ADCY6: variants seen among roughly 807,000 people sequenced by gnomAD.
ADCY6 encodes the protein adenylate cyclase type 6.
Under a neutral mutation model 111.6 loss-of-function variants are expected in ADCY6, and 59 were observed. That is an observed-to-expected ratio of 0.53 (90% CI 0.43 to 0.66). The LOEUF (loss-of-function observed/expected upper bound fraction) is 0.66. ADCY6 is among the 30% of genes least tolerant of loss of function. The probability of loss-of-function intolerance (pLI) is 0.00; values close to 1 mark genes in which losing one functional copy is unlikely to be tolerated. For missense variants in ADCY6, 1,242 were observed against 1,595.6 expected (o/e 0.78, Z 3.78); for synonymous variants, 576 against 642.9 (o/e 0.90, Z 1.57).
In ADCY6 at chr12:48,783,348, C is replaced by G; in HGVS notation, c.87G>C (p.Arg29=). 1 of 1,614,156 alleles carries G rather than the reference C, an allele frequency of 6.2e-7. No individual in the cohort carries two copies. Residue 29 remains arginine, a synonymous_variant, in exon 2 of 22, where the codon CGG becomes CGC. Coordinates refer to ENST00000357869, the MANE Select transcript of ADCY6 (RefSeq NM_015270.5). ...AGCCACCTGCCCGAGTGCCACGGCG[C>G]CGCGAACGCTTCTGCCCATTGCGTT... ...WGERNGQKRS[R]RRGTRAGGFC...
rs1941689786 is a variant in ADCY6, at chr12:48,776,014, A to G, written c.1755T>C (p.Val585=). 1 of 1,612,646 alleles carries G rather than the reference A, an allele frequency of 6.2e-7. No homozygotes were observed. Among genetic ancestry groups the G allele is most frequent in the Non-Finnish European group, 8.5e-7 (1 of 1,179,352 alleles). ...NSMEGLMPRW[V]PDRAFSRTKD... ...TGGTCCGGGAGAAGGCACGATCAGG[A>G]ACCCAGCGCGGCATCAGCCCTTCCA... Residue 585 remains valine (V), a synonymous_variant, in exon 9 of 22, where the codon GTT becomes GTC. Transcript: ENST00000357869. This position sits in a 1 kb window ranked among gnomAD's most constrained non-coding sequence, Gnocchi z 6.1.
intron 1 of ADCY6, among the ~76,000 whole-genome samples, chr12:48,784,765 C>T (rs572189057): frequency 2.6e-5 from 4 of 151,102 alleles, no homozygotes; most frequent in Middle Eastern, 3.4e-3. Context: ...CTCCGCCTCC[C>T]GGGTTCACAC....
At chr12:48,768,774 G>A in intron 21 of ADCY6, 58 bp from the exon 22 acceptor site, 1 of 1,594,034 alleles carries the variant, frequency 6.3e-7, no homozygotes, top group Non-Finnish European at 8.6e-7. Context: ...GCATTTGCAG[G>A]GGCCCAGGGG....
chr12:48,771,162 G>A lies in ADCY6; in HGVS notation c.3052-192C>T. 4.9e-6 allele frequency: 3 copies of A among 608,010 alleles called. No homozygotes were observed. The highest frequency in any genetic ancestry group is 8.7e-6 in the Non-Finnish European group (3 of 346,708). 37.7% of individuals were successfully genotyped at this position (608,010 alleles called of 1,614,324 possible). ...CAGCCTAGGACTCCAGGCAGGACTT[G>A]GGCATACAGCTTCAGAAGGTCCCTC... On this transcript the variant is annotated intron_variant, in intron 19 of 21. Coordinates refer to ENST00000357869, the MANE Select transcript of ADCY6 (RefSeq NM_015270.5). The surrounding 1 kb of genome is among the most constrained non-coding windows in gnomAD (Gnocchi z 4.3).
chr12:48,775,461 G>A lies in ADCY6; in HGVS notation c.1833-11C>T. The A allele has an allele frequency of 6.2e-7, 1 of 1,613,986 alleles. No homozygotes were observed. Among genetic ancestry groups the A allele is most frequent in the Non-Finnish European group, 8.5e-7 (1 of 1,179,954 alleles). ...TCTTGGGTGCCCCGGCTGAGGGCAG[G>A]AGACATGGTTTCACCAGTTGCATGG... On this transcript the variant is annotated splice_polypyrimidine_tract_variant and intron_variant, in intron 10 of 21. Coordinates refer to ENST00000357869, the MANE Select transcript of ADCY6 (RefSeq NM_015270.5).
chr12:48,782,549 C>A lies in ADCY6; in HGVS notation c.864+22G>T. The A allele has an allele frequency of 1.9e-6, 3 of 1,594,566 alleles. No homozygotes were observed. The highest frequency in any genetic ancestry group is 2.6e-6 in the Non-Finnish European group (3 of 1,170,262). ...AAATTCCCCACCTGCTGCCCTCCAT[C>A]CCTACCTCCCTGGCCACCTACCTGC... On this transcript the variant is annotated intron_variant, in intron 2 of 21. Coordinates refer to ENST00000357869, the MANE Select transcript of ADCY6 (RefSeq NM_015270.5). This position sits in a 1 kb window ranked among gnomAD's most constrained non-coding sequence, Gnocchi z 4.3.
intron 20 of ADCY6, among the ~76,000 whole-genome samples, 172 bp from the exon 21 acceptor site, chr12:48,769,233 C>A (rs1203758596): frequency 6.6e-6 from 1 of 151,818 alleles, no homozygotes; most frequent in Non-Finnish European, 1.5e-5. Context: ...CATGGTGAAA[C>A]CCTATCTTTA....
At position 48,778,872 on chromosome 12, in the gene ADCY6, ATTTTTTTTT is replaced by A. The variant is rs1037254707; in HGVS notation, c.865-624_865-616del. On this transcript the variant is annotated intron_variant, in intron 2 of 21. Transcript: ENST00000357869. ...GTGTCTTCTATACACTGAATAACAC[ATTTTTTTTT>A]TTTTTTTTTTTTTTTTTGACAGAGC... is the stretch of plus-strand genomic sequence containing the variant. Among the ~76,000 whole-genome samples, 6 of 72,416 alleles carry A rather than the reference ATTTTTTTTT, an allele frequency of 8.3e-5. No homozygotes were observed. In the South Asian group the frequency reaches 2.1e-3, roughly 26 times the overall value. 47.5% of individuals were successfully genotyped at this position (72,416 alleles called of 152,430 possible). A position where few individuals can be genotyped will look rare whatever the true frequency, so the allele number is the denominator to read the frequency against.
Position 48,773,504 on chromosome 12 carries a change from A to T in ADCY6, c.2586T>A (p.Phe862Leu), listed in dbSNP as rs760353968. Residue 862 changes from phenylalanine to leucine, a missense_variant, in exon 16 of 22, where the codon TTT becomes TTA. By Grantham distance (22) the Phe-to-Leu change is conservative. Coordinates refer to ENST00000357869, the MANE Select transcript of ADCY6 (RefSeq NM_015270.5). ...CGCCAAGCAGTAGGTCATAGTTGTC[A>T]AAGATGGTGGCTGGGGGACCCAGCA... ...LLLLGPPATI[F>L]DNYDLLLGVH... The T allele has an allele frequency of 6.2e-7, 1 of 1,614,102 alleles. No individual in the cohort carries two copies.
chr12:48,779,168 G>C (rs1941784180), intron 2 of ADCY6, among the ~76,000 whole-genome samples: 1 of 151,992 alleles, frequency 6.6e-6, no homozygotes, highest in Admixed American at 6.6e-5. Flanking sequence ...TGGATTACAG[G>C]CATGATCCAC....
chr12:48,778,302 GC>G (rs750916012), intron 2 of ADCY6, 45 bp from the exon 3 acceptor site: 1 of 1,612,310 alleles, frequency 6.2e-7, no homozygotes, highest in Non-Finnish European at 8.5e-7. Context: ...TCCTCTGCCT[GC>G]CCCCCTAAAC....
chr12:48,782,854 A>G lies in ADCY6; in HGVS notation c.581T>C (p.Leu194Pro), dbSNP rs1357967775. ...GCTATGCCGGTTACACACCACCATGAGCCCCACGAACAGGGCGGCGGCACA... is the reference window on the plus strand; with the variant it reads ...GCTATGCCGGTTACACACCACCATGGGCCCCACGAACAGGGCGGCGGCACA... ...LACAAALFVG[L>P]MVVCNRHSFR... The change falls in exon 2 of 22, where the codon CTC becomes CCC. Residue 194 changes from leucine to proline, a missense_variant. Leu to Pro is a moderately conservative substitution (Grantham distance 98). Transcript: ENST00000357869. This position sits in a 1 kb window ranked among gnomAD's most constrained non-coding sequence, Gnocchi z 4.3. 1.2e-6 allele frequency: 2 copies of G among 1,614,010 alleles called. No homozygotes were observed. Among genetic ancestry groups the G allele is most frequent in the Non-Finnish European group, 1.7e-6 (2 of 1,179,938 alleles).
In ADCY6 at chr12:48,777,164, G is replaced by A; in HGVS notation, c.1316C>T (p.Ala439Val). The change falls in exon 6 of 22, where the codon GCC becomes GTC. Residue 439 changes from alanine to valine, a missense_variant. Ala to Val is a moderately conservative substitution (Grantham distance 64). This residue lies in a region of ADCY6 where 260 missense variants were observed against 414.6 expected (regional missense o/e 0.63). Coordinates refer to ENST00000357869, the MANE Select transcript of ADCY6 (RefSeq NM_015270.5). This position sits in a 1 kb window ranked among gnomAD's most constrained non-coding sequence, Gnocchi z 4.9. ...CYYCVSGLPE[A>V]RADHAHCCVE... ...ACAGCAGTGGGCATGGTCGGCCCGG[G>A]CCTCCGGCAGCCCTGACACACAGTA... 6.2e-7 allele frequency: 1 copy of A among 1,613,916 alleles called. No individual in the cohort carries two copies. The highest frequency in any genetic ancestry group is 8.5e-7 in the Non-Finnish European group (1 of 1,179,948).
At position 48,776,721 on chromosome 12, in the gene ADCY6, T is replaced by C; in HGVS notation, c.1377-135A>G. The C allele has an allele frequency of 3.3e-6, 4 of 1,223,340 alleles. No homozygotes were observed. Among genetic ancestry groups the C allele is most frequent in the South Asian group, 3.1e-5 (2 of 63,876 alleles). The allele number at this position is 1,223,340 out of a possible 1,614,324, so 75.8% of individuals were successfully genotyped here. A position where few individuals can be genotyped will look rare whatever the true frequency, so the allele number is the denominator to read the frequency against. On this transcript the variant is annotated intron_variant, in intron 6 of 21. Coordinates refer to ENST00000357869, the MANE Select transcript of ADCY6 (RefSeq NM_015270.5). The surrounding 1 kb of genome is among the most constrained non-coding windows in gnomAD (Gnocchi z 6.1). ...GCAGGGGACGGGAGCACAGCCTTGG[T>C]TGGACATGAGCAGAAGGCTGCATGG... is the stretch of plus-strand genomic sequence containing the variant.
rs1037254707 is a variant in ADCY6, at chr12:48,778,872, A to ATTTTTTTTTT, written c.865-625_865-616dup. On this transcript the variant is annotated intron_variant, in intron 2 of 21. Coordinates refer to ENST00000357869, the MANE Select transcript of ADCY6 (RefSeq NM_015270.5). The stretch of plus-strand genomic sequence containing the variant: ...GTGTCTTCTATACACTGAATAACAC[A>ATTTTTTTTTT]TTTTTTTTTTTTTTTTTTTTTTTTT... Among the ~76,000 whole-genome samples, 79 of 72,414 alleles carry ATTTTTTTTTT rather than the reference A, an allele frequency of 1.1e-3. 15 individuals are homozygous for ATTTTTTTTTT. Among genetic ancestry groups the ATTTTTTTTTT allele is most frequent in the African/African-American group, 4.5e-3 (75 of 16,734 alleles). 47.5% of individuals were successfully genotyped at this position (72,414 alleles called of 152,430 possible).
chr12:48,775,415 T>A lies in ADCY6; in HGVS notation c.1868A>T (p.Glu623Val). ...GGCACGGCTCAGGAACTCATCCACC[T>A]CATCCTCAGGGTTCAGGGCATCTTG... Reference protein sequence around the residue: ...GTQDALNPEDEVDEFLSRAID... With the variant: ...GTQDALNPEDVVDEFLSRAID... The change falls in exon 11 of 22, where the codon GAG (glutamate) becomes GTG (valine). Residue 623 changes from glutamate (E) to valine (V), a missense_variant. Physicochemically the swap from Glu to Val is moderately radical, Grantham distance 121. Transcript: ENST00000357869. The A allele has an allele frequency of 6.2e-7, 1 of 1,614,092 alleles. No individual in the cohort carries two copies.
chr12:48,778,405 C>A lies in ADCY6; in HGVS notation c.865-148G>T, dbSNP rs1239086125. 9.2e-6 allele frequency: 8 copies of A among 870,304 alleles called. No individual in the cohort carries two copies. In the East Asian group the frequency reaches 1.0e-4, roughly 11 times the overall value. The allele number at this position is 870,304 out of a possible 1,614,324, so 53.9% of individuals were successfully genotyped here. A position where few individuals can be genotyped will look rare whatever the true frequency, so the allele number is the denominator to read the frequency against. The stretch of plus-strand genomic sequence containing the variant: ...TGTCCCCAAGCCACTGCCACCCCTG[C>A]AATATATCTCTCCCATTACCCACAG... On this transcript the variant is annotated intron_variant, in intron 2 of 21. Transcript: ENST00000357869.
intron 1 of ADCY6, among the ~76,000 whole-genome samples, chr12:48,788,030 T>G (rs1942011895): frequency 6.6e-6 from 1 of 151,800 alleles, no homozygotes; most frequent in Admixed American, 6.6e-5. Flanking sequence ...TAAAAACGAC[T>G]TCAGAAAGTT....
chr12:48,769,775 T>TTG (rs1565642620), intron 20 of ADCY6, among the ~76,000 whole-genome samples: 6 of 147,842 alleles, frequency 4.1e-5, no homozygotes, highest in Non-Finnish European at 7.5e-5. Context: ...TTTTTTTTTT[T>TTG]GGGGGGGACA....
Sources: allele counts gnomAD v4.1 joint callset (sites outside exome capture counted in the v4.1 genomes callset), GRCh38; gene constraint gnomAD v4.1.1; regional missense constraint gnomAD v4.1.1; non-coding constraint Gnocchi (gnomAD v3.1); transcripts MANE v1.5; gene names NCBI Gene and HGNC (gene_info 2026-07-23, HGNC 2026-07-21).